SLC6A6: variants seen among roughly 807,000 people sequenced by gnomAD.
The protein encoded by SLC6A6 is solute carrier family 6 member 6.
Under a neutral mutation model 68.8 loss-of-function variants are expected in SLC6A6, and 16 were observed. The ratio of observed to expected loss-of-function variants is 0.23; its 90% CI spans 0.16 to 0.35. The LOEUF (loss-of-function observed/expected upper bound fraction) is 0.35, where lower values mean the gene tolerates loss of function less well. SLC6A6 is among the 10% of genes least tolerant of loss of function. The pLI is 1.00. For missense variants in SLC6A6, 474 were observed against 802.8 expected (o/e 0.59, Z 4.95); for synonymous variants, 312 against 315.4 (o/e 0.99, Z 0.12).
At position 14,406,171 on chromosome 3, in the gene SLC6A6, G is replaced by A. The variant is rs753575417; in HGVS notation, c.-54+3324G>A. Among the ~76,000 whole-genome samples the A allele has an allele frequency of 3.3e-5, 5 of 152,256 alleles. No individual in the cohort carries two copies. The East Asian group carries it at 7.7e-4, about 24-fold the overall frequency. On this transcript the variant is annotated intron_variant, in intron 1 of 14. Transcript: ENST00000622186. Reference sequence around the variant, plus strand: ...GGAGCCAGATGGTGGGGAGGGGGGCGTTTTATTTTTTCACATATAAAAATA... The same window carrying A: ...GGAGCCAGATGGTGGGGAGGGGGGCATTTTATTTTTTCACATATAAAAATA...
chr3:14,472,273 A>G lies in SLC6A6; in HGVS notation c.1165A>G (p.Ile389Val). Residue 389 changes from isoleucine to valine, a missense_variant, in exon 10 of 15, where the codon ATT becomes GTT. Coordinates refer to ENST00000622186, the MANE Select transcript of SLC6A6 (RefSeq NM_003043.6). This position sits in a 1 kb window ranked among gnomAD's most constrained non-coding sequence, Gnocchi z 4.5. ...TMMPLPTFWSILFFIMLLLLG... is the reference protein window; with the variant it reads ...TMMPLPTFWSVLFFIMLLLLG... Reference sequence around the variant, plus strand: ...GATGCCGCTGCCCACATTTTGGTCCATTCTTTTTTTTATTATGCTTCTCTT... The same window carrying G: ...GATGCCGCTGCCCACATTTTGGTCCGTTCTTTTTTTTATTATGCTTCTCTT... The G allele has an allele frequency of 1.2e-6, 2 of 1,613,670 alleles. No homozygotes were observed. Among genetic ancestry groups the G allele is most frequent in the South Asian group, 1.1e-5 (1 of 91,082 alleles).
chr3:14,430,947 G>A (rs1699711483), intron 2 of SLC6A6, among the ~76,000 whole-genome samples: 1 of 152,206 alleles, frequency 6.6e-6, no homozygotes, highest in Non-Finnish European at 1.5e-5. Flanking sequence ...CTTGGATGTG[G>A]ACGTGCCAAG....
At chr3:14,474,045 A>G (rs1472715865) in intron 10 of SLC6A6, among the ~76,000 whole-genome samples, 1 of 152,038 alleles carries the variant, frequency 6.6e-6, no homozygotes, top group Non-Finnish European at 1.5e-5. Context: ...TCTCACAGCC[A>G]CTCCTCCTAC....
chr3:14,448,403 G>C (rs940729001), intron 5 of SLC6A6, among the ~76,000 whole-genome samples: 1 of 152,174 alleles, frequency 6.6e-6, no homozygotes, highest in African/African-American at 2.4e-5. Context: ...GTGTCTGCAG[G>C]CAACTGTAGG....
At chr3:14,405,624 C>G (rs886874443) in intron 1 of SLC6A6, among the ~76,000 whole-genome samples, 1 of 152,210 alleles carries the variant, frequency 6.6e-6, no homozygotes, top group African/African-American at 2.4e-5. Flanking sequence ...GAGTCAGATT[C>G]TTTGGGGCTG....
chr3:14,470,755 A>G (rs1001557855), intron 9 of SLC6A6, among the ~76,000 whole-genome samples: 3 of 151,834 alleles, frequency 2.0e-5, no homozygotes, highest in Non-Finnish European at 4.4e-5. Flanking sequence ...TCCAACTTCA[A>G]CTTTGATTCA....
intron 2 of SLC6A6, among the ~76,000 whole-genome samples, chr3:14,437,564 A>G (rs561761384): frequency 1.3e-5 from 2 of 152,352 alleles, no homozygotes; most frequent in Admixed American, 1.3e-4. Flanking sequence ...TGACTGGATC[A>G]AGCCAATTAA....
intron 1 of SLC6A6, among the ~76,000 whole-genome samples, chr3:14,407,438 A>G (rs1417486911): frequency 1.3e-5 from 2 of 151,920 alleles, no homozygotes; most frequent in African/African-American, 4.8e-5. Context: ...GATATAGAAC[A>G]TTTCCAGCAC....
intron 2 of SLC6A6, among the ~76,000 whole-genome samples, chr3:14,442,980 A>G (rs1040935544): frequency 2.0e-5 from 3 of 152,208 alleles, no homozygotes; most frequent in African/African-American, 7.2e-5. Context: ...AATAAATTGC[A>G]CATCTATTTC....
chr3:14,415,837 C>T (rs1241869926), intron 1 of SLC6A6, among the ~76,000 whole-genome samples: 2 of 152,156 alleles, frequency 1.3e-5, no homozygotes, highest in African/African-American at 4.8e-5. Context: ...ATACCACATC[C>T]CCCAAGGATC....
chr3:14,406,015 C>T (rs1699100329), intron 1 of SLC6A6, among the ~76,000 whole-genome samples: 2 of 152,110 alleles, frequency 1.3e-5, no homozygotes, highest in African/African-American at 4.8e-5. Flanking sequence ...TTGCCATTGT[C>T]TGTGGGTGGA....
At chr3:14,470,807 C>G (rs978111771) in intron 9 of SLC6A6, among the ~76,000 whole-genome samples, 1 of 152,196 alleles carries the variant, frequency 6.6e-6, no homozygotes, top group South Asian at 2.1e-4. Flanking sequence ...TTTTTCTGAA[C>G]CTGGCCCTGG....
intron 1 of SLC6A6, among the ~76,000 whole-genome samples, chr3:14,416,080 G>A (rs1415365434): frequency 6.6e-6 from 1 of 152,196 alleles, no homozygotes. Flanking sequence ...AGGGGCGTGT[G>A]TGAGTGAGTG....
intron 2 of SLC6A6, among the ~76,000 whole-genome samples, chr3:14,421,578 C>CTCGTA (rs1273021570): frequency 2.6e-5 from 4 of 152,210 alleles, no homozygotes; most frequent in Non-Finnish European, 4.4e-5. Context: ...ATCGTTATTG[C>CTCGTA]TCGTAGTATT....
intron 1 of SLC6A6, among the ~76,000 whole-genome samples, chr3:14,406,407 C>T (rs1699108810): frequency 1.3e-5 from 2 of 152,280 alleles, no homozygotes; most frequent in South Asian, 4.1e-4. Flanking sequence ...GCCAGTCAAG[C>T]CTGGAGCCCA....
At position 14,468,976 on chromosome 3, in the gene SLC6A6, A is replaced by G. The variant is rs1332536531; in HGVS notation, c.1096+764A>G. ...AAGGTGCTTCTGGAACCTGAGAATC[A>G]TGGGGCCTTCAGTTGCTAGAATCTG... On this transcript the variant is annotated intron_variant, in intron 9 of 14. Transcript: ENST00000622186. This position sits in a 1 kb window ranked among gnomAD's most constrained non-coding sequence, Gnocchi z 4.5. 6.6e-6 allele frequency among the ~76,000 whole-genome samples: 1 copy of G among 152,130 alleles called. No individual in the cohort carries two copies. Among genetic ancestry groups the G allele is most frequent in the African/African-American group, 2.4e-5 (1 of 41,420 alleles).
intron 2 of SLC6A6, among the ~76,000 whole-genome samples, chr3:14,442,209 A>G (rs891600773): frequency 2.0e-5 from 3 of 152,222 alleles, no homozygotes; most frequent in African/African-American, 7.2e-5. Flanking sequence ...ATTTTTCAAG[A>G]GAACTCAGAA....
chr3:14,446,847 A>G (rs1286744772), intron 4 of SLC6A6, among the ~76,000 whole-genome samples: 3 of 152,230 alleles, frequency 2.0e-5, no homozygotes, highest in Non-Finnish European at 4.4e-5. Context: ...AGTACTTAGT[A>G]TGCACACAAA....
intron 2 of SLC6A6, among the ~76,000 whole-genome samples, chr3:14,417,400 A>G (rs962297782): frequency 2.0e-5 from 3 of 152,090 alleles, no homozygotes; most frequent in Non-Finnish European, 2.9e-5. Flanking sequence ...AATTGCAGGC[A>G]TGATGCCCCT....
Sources: gnomAD v4.1 joint callset for allele counts (sites outside exome capture counted in the v4.1 genomes callset) on GRCh38, gnomAD v4.1.1 for gene constraint, Gnocchi (gnomAD v3.1) non-coding constraint, MANE v1.5 for transcripts, NCBI Gene and HGNC (gene_info 2026-07-23, HGNC 2026-07-21) for gene names.